EDNRB: variants seen among roughly 807,000 people sequenced by gnomAD.
EDNRB encodes Hirschsprung disease 2.
EDNRB carries 18 observed loss-of-function variants against 46.4 expected under a neutral mutation model. That is an observed-to-expected ratio of 0.39 (90% CI 0.27 to 0.57). The LOEUF (loss-of-function observed/expected upper bound fraction) is 0.57. Ranked by LOEUF, EDNRB falls within the 20% of genes least tolerant of loss-of-function variation. EDNRB has a pLI of 0.61. For synonymous variants in EDNRB, 213 were observed against 204.9 expected (o/e 1.04, Z -0.34); for missense variants, 434 against 537.5 (o/e 0.81, Z 1.90).
intron 1 of EDNRB, among the ~76,000 whole-genome samples, chr13:77,952,965 C>T (rs1881134480): frequency 6.6e-6 from 1 of 152,180 alleles, no homozygotes; most frequent in Non-Finnish European, 1.5e-5. Flanking sequence ...CCAGCCAGCT[C>T]ACCAGTTTCT....
At chr13:77,928,970 G>T (rs983256797) in intron 1 of EDNRB, among the ~76,000 whole-genome samples, 2 of 152,170 alleles carry the variant, frequency 1.3e-5, no homozygotes, top group African/African-American at 4.8e-5. Flanking sequence ...AAAAGATGAA[G>T]TGGCATCCAA....
upstream of EDNRB, among the ~76,000 whole-genome samples, chr13:77,922,490 T>C (rs1051525215): frequency 6.6e-6 from 1 of 152,174 alleles, no homozygotes; most frequent in African/African-American, 2.4e-5. Flanking sequence ...TGTTGAACTC[T>C]CTAAATCATG....
At chr13:77,962,427 T>C (rs969629574) in intron 1 of EDNRB, among the ~76,000 whole-genome samples, 5 of 152,198 alleles carry the variant, frequency 3.3e-5, no homozygotes, top group Admixed American at 2.6e-4. Flanking sequence ...AAAAACCTTA[T>C]TGACCATGAT....
chr13:77,900,354 C>G (rs1878892889), intron 5 of EDNRB, among the ~76,000 whole-genome samples, 167 bp downstream of exon 5: 2 of 151,894 alleles, frequency 1.3e-5, no homozygotes, highest in South Asian at 4.1e-4. Flanking sequence ...TTCATACCCC[C>G]CCTTCCCTGT....
chr13:77,900,356 C>A (rs768450649), intron 5 of EDNRB, among the ~76,000 whole-genome samples, 165 bp downstream of exon 5: 9 of 151,894 alleles, frequency 5.9e-5, no homozygotes, highest in African/African-American at 2.2e-4. Context: ...CATACCCCCC[C>A]TTCCCTGTCC....
intron 1 of EDNRB, among the ~76,000 whole-genome samples, chr13:77,974,397 G>T (rs1479639789): frequency 6.6e-6 from 1 of 152,142 alleles, no homozygotes; most frequent in East Asian, 1.9e-4. Flanking sequence ...CTGGGTTAAG[G>T]ATTTTTGATA....
intron 1 of EDNRB, among the ~76,000 whole-genome samples, chr13:77,957,597 A>T (rs1881277553): frequency 6.6e-6 from 1 of 152,256 alleles, no homozygotes; most frequent in Admixed American, 6.5e-5. Flanking sequence ...AGTCATAAGA[A>T]TTAAATTTTA....
At chr13:77,908,710 C>A (rs770807635) in intron 1 of EDNRB, among the ~76,000 whole-genome samples, 10 of 151,808 alleles carry the variant, frequency 6.6e-5, no homozygotes, top group Non-Finnish European at 8.8e-5. Context: ...TGGACTTTAC[C>A]CCATTAAATT....
chr13:77,940,696 A>G (rs1880717732), intron 1 of EDNRB, among the ~76,000 whole-genome samples: 1 of 140,664 alleles, frequency 7.1e-6, no homozygotes, highest in African/African-American at 2.8e-5. Flanking sequence ...GAAAAGATGA[A>G]TTGGGTGTGT....
At chr13:77,961,548 T>C (rs1446050270) in intron 1 of EDNRB, among the ~76,000 whole-genome samples, 2 of 152,050 alleles carry the variant, frequency 1.3e-5, no homozygotes, top group African/African-American at 2.4e-5. Flanking sequence ...CATAACGAAA[T>C]GAAGGCAGAA....
chr13:77,919,021 CT>C (rs1278119089), upstream of EDNRB: 17 of 675,698 alleles, frequency 2.5e-5, no homozygotes, highest in East Asian at 6.6e-4. Flanking sequence ...AGGCCAAGGG[CT>C]TGTGTCAAGC....
chr13:77,896,454 G>T lies in EDNRB; in HGVS notation c.*1746C>A, dbSNP rs1356385211. 1.3e-6 allele frequency: 2 copies of T among 1,567,354 alleles called. No individual in the cohort carries two copies. The highest frequency in any genetic ancestry group is 4.6e-5 in the East Asian group (2 of 43,404). The stretch of plus-strand genomic sequence containing the variant: ...TATGGTGTGTGAATTAATTATTATT[G>T]CTCTTTCTTTCTGGCCACATTGTTG... On this transcript the variant is annotated 3_prime_UTR_variant, in exon 7 of 7. Coordinates refer to ENST00000646607, the MANE Select transcript of EDNRB (RefSeq NM_001122659.3).
At chr13:77,955,333 A>G (rs556826263) in intron 1 of EDNRB, among the ~76,000 whole-genome samples, 1 of 152,190 alleles carries the variant, frequency 6.6e-6, no homozygotes, top group South Asian at 2.1e-4. Context: ...TTTTCTTGCT[A>G]TTGAGTCTTA....
intron 1 of EDNRB, among the ~76,000 whole-genome samples, chr13:77,965,217 C>T (rs1304759485): frequency 6.6e-6 from 1 of 152,142 alleles, no homozygotes; most frequent in Non-Finnish European, 1.5e-5. Context: ...TCATTGCCTA[C>T]TTCTCATTCT....
At chr13:77,942,870 ATTATTC>A (rs1184927454) in intron 1 of EDNRB, among the ~76,000 whole-genome samples, 1 of 152,126 alleles carries the variant, frequency 6.6e-6, no homozygotes. Context: ...AACAGATTCA[ATTATTC>A]TTAAAGTACT....
intron 1 of EDNRB, among the ~76,000 whole-genome samples, chr13:77,931,744 C>CAAAAAAAAAAAAAAAA (rs67176737): frequency 7.2e-5 from 6 of 83,438 alleles, no homozygotes; most frequent in South Asian, 8.5e-4. Context: ...ACTGTAGTAG[C>CAAAAAAAAAAAAAAAA]AAAAAAAAAA....
chr13:77,918,227 A>G lies in EDNRB; in HGVS notation c.347T>C (p.Ile116Thr), dbSNP rs559289370. The G allele has an allele frequency of 6.2e-7, 1 of 1,614,058 alleles. No homozygotes were observed. Among genetic ancestry groups the G allele is most frequent in the Admixed American group, 1.7e-5 (1 of 60,012 alleles). Residue 116 changes from isoleucine (I) to threonine (T), a missense_variant, in exon 1 of 7, where the codon ATC becomes ACC. Coordinates refer to ENST00000646607, the MANE Select transcript of EDNRB (RefSeq NM_001122659.3). This position sits in a 1 kb window ranked among gnomAD's most constrained non-coding sequence, Gnocchi z 4.5. ...VVSCLVFVLGIIGNSTLLRII... is the reference protein window; with the variant it reads ...VVSCLVFVLGTIGNSTLLRII... The stretch of plus-strand genomic sequence containing the variant: ...TCTCAGAAGTGTGGAGTTCCCGATG[A>G]TCCCCAGCACGAACACAAGGCAGGA...
intron 1 of EDNRB, among the ~76,000 whole-genome samples, chr13:77,904,154 C>T (rs570228382): frequency 2.6e-5 from 4 of 151,924 alleles, no homozygotes; most frequent in African/African-American, 7.2e-5. Flanking sequence ...CAGGCACATT[C>T]CTACTTAGGG....
intron 1 of EDNRB, among the ~76,000 whole-genome samples, chr13:77,915,564 C>A (rs957086005): frequency 2.0e-5 from 3 of 152,190 alleles, no homozygotes; most frequent in African/African-American, 4.8e-5. Context: ...TACTTCTTCA[C>A]CTCTCTGACA....
Sources: gnomAD v4.1 joint callset for allele counts (sites outside exome capture counted in the v4.1 genomes callset) on GRCh38, gnomAD v4.1.1 for gene constraint, Gnocchi (gnomAD v3.1) non-coding constraint, MANE v1.5 for transcripts, NCBI Gene and HGNC (gene_info 2026-07-23, HGNC 2026-07-21) for gene names.